The following SCFD2 variants were observed in gnomAD, a reference collection of about 807,000 sequenced individuals.
The protein encoded by SCFD2 is sec1 family domain-containing protein 2.
SCFD2 carries 54 observed loss-of-function variants against 58.9 expected under a neutral mutation model. The ratio of observed to expected loss-of-function variants is 0.92; its 90% confidence interval spans 0.74 to 1.15. The LOEUF is 1.15. Ranked by LOEUF, SCFD2 falls within the 50% of genes most tolerant of loss-of-function variation. The probability of loss-of-function intolerance (pLI) is 0.00; values close to 1 mark genes in which losing one functional copy is unlikely to be tolerated. For missense variants in SCFD2, 805 were observed against 836.6 expected (o/e 0.96, Z 0.47); for synonymous variants, 321 against 335.9 (o/e 0.96, Z 0.49).
At position 53,318,900 on chromosome 4, in the gene SCFD2, T is replaced by A. The variant is rs1208521347; in HGVS notation, c.1008-5137A>T. 1.9e-4 allele frequency among the ~76,000 whole-genome samples: 29 copies of A among 152,210 alleles called. 1 individual carries two copies. The highest frequency in any genetic ancestry group is 1.9e-3 in the Admixed American group (29 of 15,274). ...CCTCATCTCCTGAGCTAAACTATTA[T>A]CTGAAGCTCCTTAAATCCAATTTAA... On this transcript the variant is annotated intron_variant, in intron 2 of 8. Transcript: ENST00000401642.
At chr4:52,885,577 G>A (rs1246978409) in intron 8 of SCFD2, among the ~76,000 whole-genome samples, 170 bp downstream of exon 8, 1 of 152,090 alleles carries the variant, frequency 6.6e-6, no homozygotes, top group African/African-American at 2.4e-5. Context: ...GGTTCTGGCT[G>A]CAGGAAGACA....
chr4:53,211,195 A>C (rs1354499124), intron 4 of SCFD2, among the ~76,000 whole-genome samples: 2 of 150,860 alleles, frequency 1.3e-5, no homozygotes, highest in Non-Finnish European at 3.0e-5. Context: ...ATGAGCTGAG[A>C]TTGCACCACT....
chr4:53,145,854 T>C (rs1337552436), intron 4 of SCFD2, among the ~76,000 whole-genome samples: 1 of 152,132 alleles, frequency 6.6e-6, no homozygotes, highest in Non-Finnish European at 1.5e-5. Flanking sequence ...TAGGAGTCCA[T>C]TAATTTTAAA....
chr4:53,177,312 C>T (rs1727368256), intron 4 of SCFD2, among the ~76,000 whole-genome samples: 1 of 152,028 alleles, frequency 6.6e-6, no homozygotes, highest in Non-Finnish European at 1.5e-5. Context: ...GCTTGGGGCA[C>T]CCAATCCACA....
chr4:53,102,966 G>A (rs1724872806), intron 5 of SCFD2, among the ~76,000 whole-genome samples: 1 of 152,098 alleles, frequency 6.6e-6, no homozygotes, highest in Non-Finnish European at 1.5e-5. Context: ...CAGACAGCTG[G>A]AGAGAAGGAA....
intron 3 of SCFD2, among the ~76,000 whole-genome samples, chr4:53,276,468 A>T (rs1228549260): frequency 2.0e-5 from 3 of 151,850 alleles, no homozygotes; most frequent in Non-Finnish European, 4.4e-5. Flanking sequence ...ATTTTTTTTT[A>T]ATTTTTATTT....
chr4:53,216,230 C>T (rs1414824620), intron 4 of SCFD2, among the ~76,000 whole-genome samples: 2 of 152,148 alleles, frequency 1.3e-5, no homozygotes, highest in Admixed American at 6.5e-5. Context: ...GGTACCAGCT[C>T]CTCCTTGTAT....
chr4:53,120,506 G>C (rs1298560145), intron 5 of SCFD2, among the ~76,000 whole-genome samples: 3 of 152,164 alleles, frequency 2.0e-5, no homozygotes, highest in Non-Finnish European at 4.4e-5. Flanking sequence ...TGTGATAGAA[G>C]CATTAATAAC....
intron 5 of SCFD2, among the ~76,000 whole-genome samples, chr4:53,054,306 T>C (rs1370487155): frequency 6.6e-6 from 1 of 152,228 alleles, no homozygotes; most frequent in Non-Finnish European, 1.5e-5. Flanking sequence ...TCATATGTCT[T>C]ATAATTTATG....
intron 2 of SCFD2, among the ~76,000 whole-genome samples, chr4:53,317,860 G>A (rs1481266875): frequency 2.0e-5 from 3 of 152,148 alleles, no homozygotes; most frequent in Non-Finnish European, 1.5e-5. Context: ...GAATCAAATG[G>A]GCTAATACAT....
chr4:53,182,394 C>G (rs1156367291), intron 4 of SCFD2, among the ~76,000 whole-genome samples: 1 of 152,068 alleles, frequency 6.6e-6, no homozygotes, highest in Non-Finnish European at 1.5e-5. Context: ...CAAAAACAAG[C>G]AATGGGGAAA....
At chr4:53,215,890 C>G (rs1281750313) in intron 4 of SCFD2, among the ~76,000 whole-genome samples, 6 of 152,194 alleles carry the variant, frequency 3.9e-5, no homozygotes, top group Non-Finnish European at 8.8e-5. Flanking sequence ...TTTTCTGCAT[C>G]TATTGAGATA....
At chr4:53,083,945 G>A (rs1724227226) in intron 5 of SCFD2, among the ~76,000 whole-genome samples, 1 of 152,100 alleles carries the variant, frequency 6.6e-6, no homozygotes, top group Admixed American at 6.6e-5. Flanking sequence ...CCACTGATAA[G>A]GATCCAAGAA....
At chr4:53,020,505 T>A (rs1722320672) in intron 5 of SCFD2, among the ~76,000 whole-genome samples, 3 of 152,184 alleles carry the variant, frequency 2.0e-5, no homozygotes, top group South Asian at 4.1e-4. Context: ...CCCCATCCAG[T>A]CAGTCACTAA....
intron 4 of SCFD2, among the ~76,000 whole-genome samples, chr4:53,216,294 T>C (rs1320384422): frequency 6.6e-6 from 1 of 152,204 alleles, no homozygotes; most frequent in Non-Finnish European, 1.5e-5. Context: ...TTTTGGTTCA[T>C]ACGCTATTAA....
At chr4:53,038,830 A>G (rs1722827257) in intron 5 of SCFD2, among the ~76,000 whole-genome samples, 1 of 151,980 alleles carries the variant, frequency 6.6e-6, no homozygotes, top group Non-Finnish European at 1.5e-5. Context: ...CTGGGACTAT[A>G]GTCATGTACC....
At chr4:53,053,685 G>A (rs1199044679) in intron 5 of SCFD2, among the ~76,000 whole-genome samples, 1 of 152,130 alleles carries the variant, frequency 6.6e-6, no homozygotes, top group Non-Finnish European at 1.5e-5. Context: ...TCTGCCTAGA[G>A]AGGACTCGGC....
intron 6 of SCFD2, among the ~76,000 whole-genome samples, chr4:52,908,746 A>C (rs1719409962): frequency 6.6e-6 from 1 of 152,192 alleles, no homozygotes; most frequent in Non-Finnish European, 1.5e-5. Context: ...TAAACCATTA[A>C]AATCATAAAT....
chr4:53,143,827 C>CACACAG, intron 5 of SCFD2, among the ~76,000 whole-genome samples: 1 of 150,988 alleles, frequency 6.6e-6, no homozygotes, highest in African/African-American at 2.4e-5. Context: ...CACACACACA[C>CACACAG]CAGCAAATGA....
Sources: gnomAD v4.1 joint callset for allele counts (sites outside exome capture counted in the v4.1 genomes callset) on GRCh38, gnomAD v4.1.1 for gene constraint, MANE v1.5 for transcripts, NCBI Gene and HGNC (gene_info 2026-07-23, HGNC 2026-07-21) for gene names.